The following SEMA5A variants were observed in gnomAD, a reference collection of about 807,000 sequenced individuals.
The protein encoded by SEMA5A is semaphorin 5A.
In SEMA5A, 55 loss-of-function variants were observed where a neutral mutation model predicts 135.5. The observed-to-expected ratio is 0.41, with a 90% CI of 0.33 to 0.51. The LOEUF (loss-of-function observed/expected upper bound fraction) is 0.51. SEMA5A is among the 20% of genes least tolerant of loss of function. The pLI, the probability that SEMA5A is intolerant of heterozygous loss-of-function variation, is 0.37. For synonymous variants in SEMA5A, 580 were observed against 546.5 expected, an observed-to-expected ratio of 1.06 and a Z score of -0.85; for missense variants, 1,290 against 1,419.9, an observed-to-expected ratio of 0.91 and a Z score of 1.47.
chr5:9,196,445 T>C (rs547525875), intron 10 of SEMA5A, among the ~76,000 whole-genome samples: 1 of 152,346 alleles, frequency 6.6e-6, no homozygotes, highest in East Asian at 1.9e-4. Flanking sequence ...CACGCTTTTG[T>C]CTTGAAGGTC....
intron 2 of SEMA5A, among the ~76,000 whole-genome samples, chr5:9,434,128 CA>C (rs1757949510): frequency 6.6e-6 from 1 of 152,048 alleles, no homozygotes; most frequent in Admixed American, 6.6e-5. Context: ...ATATGTTCCA[CA>C]AAAGAAGCAG....
intron 16 of SEMA5A, among the ~76,000 whole-genome samples, chr5:9,070,768 A>G (rs1737730400): frequency 6.6e-6 from 1 of 152,236 alleles, no homozygotes; most frequent in Non-Finnish European, 1.5e-5. Flanking sequence ...CATGAGACTC[A>G]GAATTTCTCC....
chr5:9,447,246 C>T (rs78305243), intron 1 of SEMA5A, among the ~76,000 whole-genome samples: 1 of 152,186 alleles, frequency 6.6e-6, no homozygotes, highest in South Asian at 2.1e-4. Flanking sequence ...GCATATTGGG[C>T]TCTCTGTGAC....
At chr5:9,154,960 C>T (rs1316375127) in intron 11 of SEMA5A, among the ~76,000 whole-genome samples, 1 of 152,142 alleles carries the variant, frequency 6.6e-6, no homozygotes, top group Non-Finnish European at 1.5e-5. Context: ...TTGGACCCTT[C>T]CAGTTCCAAG....
At chr5:9,345,015 T>C (rs991992042) in intron 3 of SEMA5A, among the ~76,000 whole-genome samples, 2 of 152,148 alleles carry the variant, frequency 1.3e-5, no homozygotes, top group African/African-American at 2.4e-5. Context: ...ACAGCACTAG[T>C]AGAATATCTA....
At chr5:9,349,169 T>G (rs1754004042) in intron 3 of SEMA5A, among the ~76,000 whole-genome samples, 1 of 152,168 alleles carries the variant, frequency 6.6e-6, no homozygotes, top group Non-Finnish European at 1.5e-5. Flanking sequence ...AGTCCCAAGG[T>G]GGCCTCTTTG....
At chr5:9,098,919 ACTT>A (rs1260182501) in intron 16 of SEMA5A, among the ~76,000 whole-genome samples, 1 of 152,156 alleles carries the variant, frequency 6.6e-6, no homozygotes, top group African/African-American at 2.4e-5. Context: ...CTTCATGAAA[ACTT>A]CTTTCAATTA....
chr5:9,129,336 G>A (rs572359853), intron 13 of SEMA5A, among the ~76,000 whole-genome samples: 172 of 152,350 alleles, frequency 1.1e-3, no homozygotes, highest in Non-Finnish European at 2.0e-3. Flanking sequence ...GGCCATGGCC[G>A]GAGTAGTTGA....
chr5:9,156,458 C>A (rs1265129239), intron 11 of SEMA5A, among the ~76,000 whole-genome samples: 2 of 152,168 alleles, frequency 1.3e-5, no homozygotes, highest in Non-Finnish European at 2.9e-5. Context: ...GAGGTGTCAG[C>A]CTTCCTGTGG....
chr5:9,420,858 T>G (rs1757441346), intron 2 of SEMA5A, among the ~76,000 whole-genome samples: 1 of 151,934 alleles, frequency 6.6e-6, no homozygotes, highest in African/African-American at 2.4e-5. Context: ...ACTAAAAATA[T>G]ATAAAAAATT....
At chr5:9,371,721 A>G (rs1755144734) in intron 3 of SEMA5A, among the ~76,000 whole-genome samples, 1 of 152,210 alleles carries the variant, frequency 6.6e-6, no homozygotes, top group African/African-American at 2.4e-5. Context: ...GATAATGAAA[A>G]GACAAATTAT....
intron 13 of SEMA5A, among the ~76,000 whole-genome samples, chr5:9,129,536 T>A (rs1741290265): frequency 6.6e-6 from 1 of 152,264 alleles, no homozygotes; most frequent in Non-Finnish European, 1.5e-5. Context: ...AGCAGATCCA[T>A]GAATAACAAT....
At chr5:9,382,463 G>T (rs1030341623) in intron 2 of SEMA5A, among the ~76,000 whole-genome samples, 1 of 152,146 alleles carries the variant, frequency 6.6e-6, no homozygotes, top group Non-Finnish European at 1.5e-5. Context: ...CAAATGGTGA[G>T]ATTTCAAGAT....
chr5:9,401,034 T>G (rs1436346665), intron 2 of SEMA5A, among the ~76,000 whole-genome samples: 1 of 152,192 alleles, frequency 6.6e-6, no homozygotes, highest in Non-Finnish European at 1.5e-5. Context: ...TGTGTACCCT[T>G]AGACAACCCT....
Position 9,226,893 on chromosome 5 carries a change from G to A in SEMA5A, c.408C>T (p.Phe136=). The A allele has an allele frequency of 6.3e-7, 1 of 1,598,530 alleles. No homozygotes were observed. The highest frequency in any genetic ancestry group is 8.5e-7 in the Non-Finnish European group (1 of 1,171,222). The change falls in exon 7 of 23, where the codon TTC becomes TTT. Residue 136 remains phenylalanine, a synonymous_variant. Coordinates refer to ENST00000382496, the MANE Select transcript of SEMA5A (RefSeq NM_003966.3). ...DRLFTCGTNA[F]TPVCTNRSLS... ...CCGAGCGGTTGGTGCAGACAGGCGT[G>A]AATGCATTGGTCCCACAGGTGAATA...
intron 16 of SEMA5A, among the ~76,000 whole-genome samples, chr5:9,089,910 TTCTC>T (rs1484766832): frequency 6.6e-6 from 1 of 152,232 alleles, no homozygotes; most frequent in East Asian, 1.9e-4. Flanking sequence ...GTAACATTCT[TTCTC>T]TCTTAATCTT....
At chr5:9,055,792 G>C (rs982201460) in intron 18 of SEMA5A, among the ~76,000 whole-genome samples, 1 of 151,748 alleles carries the variant, frequency 6.6e-6, no homozygotes. Flanking sequence ...ATATCAGACA[G>C]TTAGAGGAAT....
chr5:9,162,464 GTATATATA>G (rs1270593301), intron 11 of SEMA5A, among the ~76,000 whole-genome samples: 50,322 of 124,376 alleles, frequency 0.4, 11,096 homozygotes, highest in Non-Finnish European at 0.49. Flanking sequence ...ATATGTGTGT[GTATATATA>G]TGTGTGTGTG....
intron 16 of SEMA5A, among the ~76,000 whole-genome samples, chr5:9,094,683 A>T (rs1426827619): frequency 6.6e-6 from 1 of 152,164 alleles, no homozygotes; most frequent in Non-Finnish European, 1.5e-5. Flanking sequence ...AGTCACTGTC[A>T]TTTTTCTCAC....
Sources: allele counts gnomAD v4.1 joint callset (sites outside exome capture counted in the v4.1 genomes callset), GRCh38; gene constraint gnomAD v4.1.1; transcripts MANE v1.5; gene names NCBI Gene and HGNC (gene_info 2026-07-23, HGNC 2026-07-21).